Variants in STAU2 observed in about 807,000 individuals in gnomAD.
STAU2 encodes the protein double-stranded RNA-binding protein Staufen homolog 2.
Under a neutral mutation model 65.9 loss-of-function variants are expected in STAU2, and 20 were observed. The observed-to-expected ratio is 0.30, with a 90% confidence interval of 0.21 to 0.44. The LOEUF (loss-of-function observed/expected upper bound fraction) is 0.44, where lower values mean the gene tolerates loss of function less well. STAU2 is among the 20% of genes least tolerant of loss of function. STAU2 has a pLI of 1.00. For synonymous variants in STAU2, 232 were observed against 233.9 expected (o/e 0.99, Z 0.07); for missense variants, 558 against 683.9 (o/e 0.82, Z 2.05).
intron 13 of STAU2, among the ~76,000 whole-genome samples, chr8:73,541,033 A>G (rs1467361821): frequency 5.9e-5 from 9 of 152,204 alleles, no homozygotes; most frequent in Non-Finnish European, 1.2e-4. Context: ...CACATGCACA[A>G]GGGAGATCTT....
At chr8:73,589,523 T>C (rs925271542) in intron 11 of STAU2, among the ~76,000 whole-genome samples, 2 of 152,030 alleles carry the variant, frequency 1.3e-5, no homozygotes, top group Non-Finnish European at 2.9e-5. Flanking sequence ...AGCACACCAA[T>C]AGAAACCACA....
At chr8:73,568,474 G>A (rs557329733) in intron 12 of STAU2, among the ~76,000 whole-genome samples, 6 of 152,194 alleles carry the variant, frequency 3.9e-5, no homozygotes, top group Non-Finnish European at 5.9e-5. Context: ...GTGGTGCCAC[G>A]TGCCTGTAAA....
intron 13 of STAU2, among the ~76,000 whole-genome samples, chr8:73,523,375 A>G (rs1320479512): frequency 1.3e-5 from 2 of 151,916 alleles, no homozygotes; most frequent in African/African-American, 4.8e-5. Flanking sequence ...CAGAATCAGG[A>G]CTGCATACGA....
Position 73,494,728 on chromosome 8 carries a change from T to G in STAU2, c.1530+57284A>C, listed in dbSNP as rs187930388. Among the ~76,000 whole-genome samples the G allele has an allele frequency of 1.2e-4, 18 of 151,816 alleles. No individual in the cohort carries two copies. In the East Asian group the frequency reaches 3.5e-3, roughly 30 times the overall value. On this transcript the variant is annotated intron_variant, in intron 13 of 14. Coordinates refer to ENST00000524300, the MANE Select transcript of STAU2 (RefSeq NM_001164380.2). The stretch of plus-strand genomic sequence containing the variant: ...TTCTATTAAAAATCTACAACATGGC[T>G]CAGAGCAGAGACTCTTTTAAAAATG...
intron 3 of STAU2, among the ~76,000 whole-genome samples, chr8:73,737,565 CTT>C (rs538636180): frequency 1.6e-4 from 22 of 141,516 alleles, no homozygotes; most frequent in Non-Finnish European, 1.5e-4. Context: ...TGTTTCTTTC[CTT>C]TTTTTTTTTT....
chr8:73,673,047 A>C, intron 6 of STAU2, 60 bp downstream of exon 6: 1 of 1,407,518 alleles, frequency 7.1e-7, no homozygotes, highest in Non-Finnish European at 9.4e-7. Flanking sequence ...TGAGTGTGAG[A>C]AACTTTTATA....
chr8:73,517,668 GT>G (rs1822816535), intron 13 of STAU2, among the ~76,000 whole-genome samples: 1 of 151,810 alleles, frequency 6.6e-6, no homozygotes, highest in Non-Finnish European at 1.5e-5. Context: ...GAAAAGTTAG[GT>G]TTTTTTAATT....
At chr8:73,570,796 C>T (rs1038286958) in intron 12 of STAU2, among the ~76,000 whole-genome samples, 2 of 152,210 alleles carry the variant, frequency 1.3e-5, no homozygotes, top group Admixed American at 6.5e-5. Context: ...GGCCAATATT[C>T]ACCATTCTTA....
chr8:73,643,570 G>T (rs1815147890), intron 6 of STAU2, among the ~76,000 whole-genome samples: 1 of 152,232 alleles, frequency 6.6e-6, no homozygotes, highest in Middle Eastern at 3.4e-3. Flanking sequence ...GGTCCTTATG[G>T]CCTCTGACAA....
At chr8:73,515,913 G>T (rs555441194) in intron 13 of STAU2, among the ~76,000 whole-genome samples, 1 of 149,126 alleles carries the variant, frequency 6.7e-6, no homozygotes, top group South Asian at 2.1e-4. Flanking sequence ...TTAAGTGTGG[G>T]TCTTGATAGG....
chr8:73,616,785 G>C (rs749566037), intron 7 of STAU2, among the ~76,000 whole-genome samples: 1 of 148,648 alleles, frequency 6.7e-6, no homozygotes, highest in Non-Finnish European at 1.5e-5. Flanking sequence ...GCAACAGAGC[G>C]AGGCTCCATC....
chr8:73,710,133 T>G (rs1156912450), intron 3 of STAU2, among the ~76,000 whole-genome samples: 6 of 152,154 alleles, frequency 3.9e-5, no homozygotes, highest in Non-Finnish European at 8.8e-5. Context: ...CCCCTACCGT[T>G]TCTCCTCAAG....
intron 6 of STAU2, among the ~76,000 whole-genome samples, chr8:73,619,992 A>T (rs1299435297): frequency 6.6e-6 from 1 of 152,240 alleles, no homozygotes; most frequent in African/African-American, 2.4e-5. Context: ...AAAAAGCATT[A>T]AAAAACTATA....
intron 6 of STAU2, among the ~76,000 whole-genome samples, chr8:73,661,528 T>C (rs1816833511): frequency 6.6e-6 from 1 of 152,214 alleles, no homozygotes; most frequent in South Asian, 2.1e-4. Context: ...CATACACTCA[T>C]ATTAACAATC....
chr8:73,528,338 T>C lies in STAU2; in HGVS notation c.1530+23674A>G, dbSNP rs552445869. On this transcript the variant is annotated intron_variant, in intron 13 of 14. Transcript: ENST00000524300. ...ACAATCAAATTGAATTAAATTGAAA[T>C]GATTTGTAATGTGCAGACCAAAATA... 2.6e-5 allele frequency among the ~76,000 whole-genome samples: 4 copies of C among 152,314 alleles called. No homozygotes were observed. In the South Asian group the frequency reaches 8.3e-4, roughly 32 times the overall value.
At chr8:73,670,414 T>G (rs1817591227) in intron 6 of STAU2, 1 of 150,828 alleles carries the variant, frequency 6.6e-6, no homozygotes, top group African/African-American at 2.4e-5. Context: ...CAACTGCAAG[T>G]TTCCACACCT....
chr8:73,730,535 T>C (rs1805973837), intron 3 of STAU2, among the ~76,000 whole-genome samples: 2 of 152,108 alleles, frequency 1.3e-5, no homozygotes, highest in African/African-American at 2.4e-5. Flanking sequence ...GAGACCAGTC[T>C]GGCCAACATG....
Position 73,572,043 on chromosome 8 carries a change from C to T in STAU2, c.1222+10727G>A, listed in dbSNP as rs189834605. Among the ~76,000 whole-genome samples the T allele has an allele frequency of 6.5e-3, 985 of 152,060 alleles. 6 individuals carry two copies. Among genetic ancestry groups the T allele is most frequent in the African/African-American group, 0.022 (894 of 41,492 alleles). Reference sequence around the variant, plus strand: ...TGAAAAGACAGAAGAATCAAATAGACGCAATAAAAAATGATAAAGGGGATA... The same window carrying T: ...TGAAAAGACAGAAGAATCAAATAGATGCAATAAAAAATGATAAAGGGGATA... On this transcript the variant is annotated intron_variant, in intron 12 of 14. Transcript: ENST00000524300.
chr8:73,729,699 G>A (rs559454031), intron 3 of STAU2, among the ~76,000 whole-genome samples: 1 of 152,138 alleles, frequency 6.6e-6, no homozygotes, highest in East Asian at 1.9e-4. Flanking sequence ...AGTTTGGGAG[G>A]TTTTTTAACT....
Sources: allele counts gnomAD v4.1 joint callset (sites outside exome capture counted in the v4.1 genomes callset), GRCh38; gene constraint gnomAD v4.1.1; transcripts MANE v1.5; gene names NCBI Gene and HGNC (gene_info 2026-07-23, HGNC 2026-07-21).